KCNH1: variants seen among roughly 807,000 people sequenced by gnomAD.
KCNH1 encodes the protein potassium voltage-gated channel subfamily H member 1.
A neutral mutation model predicts 69.2 loss-of-function variants in KCNH1; 27 were observed. The ratio of observed to expected loss-of-function variants is 0.39; its 90% CI spans 0.29 to 0.54. KCNH1 has a LOEUF of 0.54. KCNH1 is among the 20% of genes least tolerant of loss of function. KCNH1 has a pLI of 0.68. For synonymous variants in KCNH1, 456 were observed against 487.7 expected, an observed-to-expected ratio of 0.93 and a Z score of 0.86; for missense variants, 798 against 1,261.6, an observed-to-expected ratio of 0.63 and a Z score of 5.57.
intron 10 of KCNH1, among the ~76,000 whole-genome samples, chr1:210,743,905 G>A (rs762951433): frequency 1.3e-5 from 2 of 152,182 alleles, no homozygotes; most frequent in East Asian, 3.9e-4. Flanking sequence ...CTGTGGGAGG[G>A]ACTACACTCA....
At chr1:211,129,394 G>C (rs1691838429) in intron 1 of KCNH1, among the ~76,000 whole-genome samples, 1 of 152,152 alleles carries the variant, frequency 6.6e-6, no homozygotes, top group African/African-American at 2.4e-5. Flanking sequence ...GACCCACAGT[G>C]TTCCTCAAAC....
intron 3 of KCNH1, among the ~76,000 whole-genome samples, chr1:211,097,548 C>A (rs1338106412): frequency 6.6e-6 from 1 of 152,186 alleles, no homozygotes; most frequent in Non-Finnish European, 1.5e-5. Context: ...CAGCTCCTAT[C>A]ACTGAATAAA....
intron 9 of KCNH1, among the ~76,000 whole-genome samples, chr1:210,778,936 G>A (rs1039360220): frequency 6.6e-6 from 1 of 152,102 alleles, no homozygotes; most frequent in African/African-American, 2.4e-5. Flanking sequence ...CACTGCATGG[G>A]CATGTAATTA....
chr1:210,917,284 GAAAA>G (rs1687365678), intron 7 of KCNH1, among the ~76,000 whole-genome samples: 1 of 137,678 alleles, frequency 7.3e-6, no homozygotes, highest in African/African-American at 2.7e-5. Context: ...AGAAAGAAAA[GAAAA>G]GAAAGAGAAA....
chr1:210,683,538 G>A lies in KCNH1; in HGVS notation c.2713C>T (p.Pro905Ser). Residue 905 changes from proline (P) to serine (S), a missense_variant, in exon 11 of 11, where the codon CCC becomes TCC. Pro to Ser is a moderately conservative substitution (Grantham distance 74). Transcript: ENST00000271751. This position sits in a 1 kb window ranked among gnomAD's most constrained non-coding sequence, Gnocchi z 5.7. Reference protein sequence around the residue: ...GEARSPQDRSPILAEVKHSFY... With the variant: ...GEARSPQDRSSILAEVKHSFY... Reference sequence around the variant, plus strand: ...GAATGCTTGACCTCTGCCAGGATGGGACTCCGATCCTGGGGACTCCTGGCC... The same window carrying A: ...GAATGCTTGACCTCTGCCAGGATGGAACTCCGATCCTGGGGACTCCTGGCC... 6.2e-7 allele frequency: 1 copy of A among 1,614,100 alleles called. No individual in the cohort carries two copies. Among genetic ancestry groups the A allele is most frequent in the Non-Finnish European group, 8.5e-7 (1 of 1,180,012 alleles).
At chr1:210,794,110 G>A (rs967095447) in intron 9 of KCNH1, among the ~76,000 whole-genome samples, 2 of 152,166 alleles carry the variant, frequency 1.3e-5, no homozygotes, top group African/African-American at 4.8e-5. Flanking sequence ...TCAGTCCATT[G>A]ACCAAAAGAT....
At chr1:210,716,159 C>A (rs1041583808) in intron 10 of KCNH1, among the ~76,000 whole-genome samples, 1 of 152,058 alleles carries the variant, frequency 6.6e-6, no homozygotes, top group Non-Finnish European at 1.5e-5. Flanking sequence ...ACAGGCTGGG[C>A]GTGGCGGCTC....
At chr1:210,955,177 G>C (rs965465202) in intron 6 of KCNH1, among the ~76,000 whole-genome samples, 19 of 152,078 alleles carry the variant, frequency 1.2e-4, no homozygotes, top group African/African-American at 4.6e-4. Flanking sequence ...CCCATTTCTT[G>C]TTTTTGTCAG....
chr1:210,955,587 G>T (rs1427584684), intron 6 of KCNH1, among the ~76,000 whole-genome samples: 1 of 152,130 alleles, frequency 6.6e-6, no homozygotes, highest in Non-Finnish European at 1.5e-5. Flanking sequence ...GTAAGCAGTG[G>T]TTTGTAGTTC....
intron 10 of KCNH1, among the ~76,000 whole-genome samples, chr1:210,766,850 T>A (rs1055752967): frequency 1.3e-5 from 2 of 152,204 alleles, no homozygotes; most frequent in Non-Finnish European, 2.9e-5. Context: ...TGTGAGCTCA[T>A]ATGCAGGCAT....
chr1:210,684,290 C>G (rs1681355880), intron 10 of KCNH1, 152 bp from the exon 11 acceptor site: 4 of 692,198 alleles, frequency 5.8e-6, no homozygotes. Flanking sequence ...CCTCATGAGG[C>G]TTTTCTCTAT....
At chr1:211,013,067 C>G (rs1689423734) in intron 6 of KCNH1, among the ~76,000 whole-genome samples, 1 of 152,196 alleles carries the variant, frequency 6.6e-6, no homozygotes, top group Non-Finnish European at 1.5e-5. Flanking sequence ...TGACTTTCAC[C>G]TGACAGCTTC....
chr1:210,918,703 C>T (rs1687399192), intron 7 of KCNH1, among the ~76,000 whole-genome samples: 1 of 152,120 alleles, frequency 6.6e-6, no homozygotes, highest in South Asian at 2.1e-4. Flanking sequence ...AAGGGCCTTT[C>T]TTCCCTCTGT....
At chr1:210,773,226 A>C (rs1432799498) in intron 10 of KCNH1, among the ~76,000 whole-genome samples, 1 of 152,208 alleles carries the variant, frequency 6.6e-6, no homozygotes, top group Non-Finnish European at 1.5e-5. Flanking sequence ...CATTGGATGC[A>C]CATTTCTCCA....
intron 7 of KCNH1, among the ~76,000 whole-genome samples, chr1:210,830,456 G>C (rs1034476847): frequency 9.9e-5 from 15 of 152,274 alleles, no homozygotes; most frequent in Admixed American, 9.8e-4. Context: ...AGCACAGGGT[G>C]GGGGTTGGAA....
chr1:210,861,291 T>A, intron 7 of KCNH1: 2 of 873,528 alleles, frequency 2.3e-6, no homozygotes, highest in Non-Finnish European at 4.0e-6. Flanking sequence ...ACTCCTTGAT[T>A]AATAGAATTT....
intron 6 of KCNH1, among the ~76,000 whole-genome samples, chr1:211,001,645 C>A (rs1400505944): frequency 6.6e-6 from 1 of 152,024 alleles, no homozygotes; most frequent in East Asian, 1.9e-4. Flanking sequence ...ACCATTAGAC[C>A]CAGCCATCCC....
intron 5 of KCNH1, among the ~76,000 whole-genome samples, chr1:211,051,656 G>C (rs1344554856): frequency 6.6e-6 from 1 of 152,206 alleles, no homozygotes; most frequent in African/African-American, 2.4e-5. Context: ...GTTGAGGCTA[G>C]AGAGGTGAGT....
intron 7 of KCNH1, among the ~76,000 whole-genome samples, chr1:210,807,242 C>A (rs1034754751): frequency 6.6e-6 from 1 of 151,956 alleles, no homozygotes; most frequent in Non-Finnish European, 1.5e-5. Context: ...CTTGTGCTTC[C>A]CCTTTATGGT....
Sources: gnomAD v4.1 joint callset for allele counts (sites outside exome capture counted in the v4.1 genomes callset) on GRCh38, gnomAD v4.1.1 for gene constraint, Gnocchi (gnomAD v3.1) non-coding constraint, MANE v1.5 for transcripts, NCBI Gene and HGNC (gene_info 2026-07-23, HGNC 2026-07-21) for gene names.